TP53I13: variants seen among roughly 807,000 people sequenced by gnomAD.
TP53I13 encodes tumor protein p53 inducible protein 13.
TP53I13 carries 27 observed loss-of-function variants against 39.1 expected under a neutral mutation model. The ratio of observed to expected loss-of-function variants is 0.69; its 90% CI spans 0.51 to 0.95. The LOEUF is 0.95. Ranked by LOEUF, TP53I13 falls within the 40% of genes least tolerant of loss-of-function variation. The probability of loss-of-function intolerance (pLI) is 0.00; values close to 1 mark genes in which losing one functional copy is unlikely to be tolerated. For synonymous variants in TP53I13, 230 were observed against 224.6 expected, an observed-to-expected ratio of 1.02 and a Z score of -0.22; for missense variants, 544 against 520.4, an observed-to-expected ratio of 1.05 and a Z score of -0.44.
At chr17:29,574,797 G>C, downstream of TP53I13, 1 of 1,612,866 alleles carries the variant, frequency 6.2e-7, no homozygotes, top group Non-Finnish European at 8.5e-7. Context: ...GTCAGCAGCT[G>C]GAAGTCCACT....
At chr17:29,577,801 G>A (rs1459708113), downstream of TP53I13, 7 of 1,031,140 alleles carry the variant, frequency 6.8e-6, no homozygotes, top group South Asian at 2.5e-5. Context: ...AGGTGGGGGT[G>A]GGGAAGCACT....
chr17:29,567,785 C>A (rs1335451977), upstream of TP53I13, among the ~76,000 whole-genome samples: 1 of 152,264 alleles, frequency 6.6e-6, no homozygotes, highest in East Asian at 1.9e-4. This position sits in a 1 kb window ranked among gnomAD's most constrained non-coding sequence, Gnocchi z 6.6. Context: ...CAGGGATGCC[C>A]GTCCGACCTA....
chr17:29,566,840 C>G (rs935436556), upstream of TP53I13: 9 of 1,514,316 alleles, frequency 5.9e-6, no homozygotes, highest in Non-Finnish European at 7.9e-6. Flanking sequence ...TCGTCTCGGT[C>G]TTGGGCCCCC....
At chr17:29,574,801 G>A, downstream of TP53I13, 3 of 1,612,630 alleles carry the variant, frequency 1.9e-6, no homozygotes, top group Non-Finnish European at 2.5e-6. Context: ...GCAGCTGGAA[G>A]TCCACTGGGG....
chr17:29,568,693 C>T (rs868773735), upstream of TP53I13: 46 of 1,093,706 alleles, frequency 4.2e-5, 1 homozygote, highest in African/African-American at 6.0e-4. This position sits in a 1 kb window ranked among gnomAD's most constrained non-coding sequence, Gnocchi z 4.5. Context: ...GCTGGAGGGG[C>T]GGGGCGCGCG....
downstream of TP53I13, chr17:29,574,436 G>A (rs1414154564): frequency 5.9e-6 from 3 of 510,314 alleles, no homozygotes; most frequent in African/African-American, 1.9e-5. Flanking sequence ...ATGCCTTGCA[G>A]GCCCCTGCTC....
At chr17:29,579,526 G>A in the TP53I13 span, among the ~76,000 whole-genome samples, 3 of 152,088 alleles carry the variant, frequency 2.0e-5, no homozygotes, top group Admixed American at 6.5e-5. Context: ...TGGGAGGTTC[G>A]CTTGAGGCCA....
downstream of TP53I13, chr17:29,576,301 A>G (rs1567769260): frequency 1.9e-6 from 3 of 1,612,914 alleles, no homozygotes. Flanking sequence ...AGCCAGGTTC[A>G]TACATGGAAA....
At chr17:29,580,361 T>C in the TP53I13 span, among the ~76,000 whole-genome samples, 2 of 152,234 alleles carry the variant, frequency 1.3e-5, no homozygotes, top group Non-Finnish European at 2.9e-5. Context: ...GTTTAGGATC[T>C]GAGTCGCCCA....
Position 29,568,771 on chromosome 17 carries a change from C to A in TP53I13, c.13C>A (p.Pro5Thr). The part of the protein sequence containing the change: MAPP[P>T]PSPQLLLLAA... ...GGGGCCGCTTGGAATGGCGCCTCCT[C>A]CGCCTTCGCCCCAACTGCTTCTCCT... Residue 5 changes from proline to threonine, a missense_variant, in exon 1 of 7, where the codon CCG (proline) becomes ACG (threonine). Pro to Thr is a conservative substitution (Grantham distance 38). Transcript: ENST00000301057. This position sits in a 1 kb window ranked among gnomAD's most constrained non-coding sequence, Gnocchi z 4.5. The A allele has an allele frequency of 6.3e-7, 1 of 1,590,854 alleles. No individual in the cohort carries two copies.
intron 3 of TP53I13, chr17:29,569,660 A>G (rs2032851809): frequency 6.0e-6 from 2 of 334,770 alleles, no homozygotes; most frequent in Non-Finnish European, 1.1e-5. Context: ...AGCTGGAAAA[A>G]ACCCAGGCTC....
chr17:29,581,333 C>T, the TP53I13 span: 1 of 1,609,768 alleles, frequency 6.2e-7, no homozygotes, highest in Non-Finnish European at 8.5e-7. The surrounding 1 kb of genome is among the most constrained non-coding windows in gnomAD (Gnocchi z 4.8). Flanking sequence ...CAGGTGGGCA[C>T]TCACCTGTCA....
At chr17:29,581,157 C>A in the TP53I13 span, 3 of 623,214 alleles carry the variant, frequency 4.8e-6, no homozygotes, top group East Asian at 5.5e-5. The surrounding 1 kb of genome is among the most constrained non-coding windows in gnomAD (Gnocchi z 4.8). Context: ...ACATATGGAG[C>A]TGACATTTTT....
chr17:29,569,572 C>G, intron 3 of TP53I13: 1 of 486,098 alleles, frequency 2.1e-6, no homozygotes, highest in Non-Finnish European at 3.7e-6. Flanking sequence ...GGCCTGTCAT[C>G]TGCAATGCTG....
Position 29,569,065 on chromosome 17 carries a change from C to T in TP53I13, c.120C>T (p.Ser40=), listed in dbSNP as rs1301931050. The T allele has an allele frequency of 6.2e-7, 1 of 1,602,248 alleles. No individual in the cohort carries two copies. The highest frequency in any genetic ancestry group is 1.7e-5 in the Admixed American group (1 of 58,416). ...AGGCGGGAGCCCATTGTCCCGAGAG[C>T]CTGTGGCCTCTGCCTCCGCAGGTAG... ...AEEAGAHCPE[S]LWPLPPQVSP... is the part of the protein sequence containing the mutation. The change falls in exon 2 of 7, where the codon AGC becomes AGT. Residue 40 remains serine, a synonymous_variant. Coordinates refer to ENST00000301057, the MANE Select transcript of TP53I13 (RefSeq NM_138349.4).
the TP53I13 span, chr17:29,578,756 T>C: frequency 5.6e-6 from 9 of 1,613,962 alleles, no homozygotes; most frequent in Non-Finnish European, 7.6e-6. Flanking sequence ...CTTAGCAGCT[T>C]TGGCCAATTC....
At chr17:29,573,974 C>T (rs559427281), downstream of TP53I13, 10 of 152,626 alleles carry the variant, frequency 6.6e-5, no homozygotes, top group East Asian at 1.7e-3. Flanking sequence ...AAGCTGATCC[C>T]CATGCTGGTC....
In TP53I13 at chr17:29,572,803, G is replaced by A. The variant is rs1437894964; in HGVS notation, c.1070-9G>A. 3 of 1,102,656 alleles carry A rather than the reference G, an allele frequency of 2.7e-6. No individual in the cohort carries two copies. Among genetic ancestry groups the A allele is most frequent in the East Asian group, 4.8e-5 (1 of 20,774 alleles). 68.3% of individuals were successfully genotyped at this position (1,102,656 alleles called of 1,614,324 possible). A position where few individuals can be genotyped will look rare whatever the true frequency, so the allele number is the denominator to read the frequency against. On this transcript the variant is annotated splice_polypyrimidine_tract_variant and intron_variant, in intron 6 of 6. Coordinates refer to ENST00000301057, the MANE Select transcript of TP53I13 (RefSeq NM_138349.4). ...TCCCGCCCTTGACTGCTCGGCGCCC[G>A]GCCCACAGCTGTGCTGAAGCGGAGG...
At chr17:29,575,083 G>A (rs778656081), downstream of TP53I13, 31 of 1,595,144 alleles carry the variant, frequency 1.9e-5, no homozygotes, top group Non-Finnish European at 2.5e-5. The surrounding 1 kb of genome is among the most constrained non-coding windows in gnomAD (Gnocchi z 5.5). Context: ...CTGTACCTTT[G>A]GGAAGAGGGA....
Sources: gnomAD v4.1 joint callset for allele counts (sites outside exome capture counted in the v4.1 genomes callset) on GRCh38, gnomAD v4.1.1 for gene constraint, Gnocchi (gnomAD v3.1) non-coding constraint, MANE v1.5 for transcripts, NCBI Gene and HGNC (gene_info 2026-07-23, HGNC 2026-07-21) for gene names.